Variants in DYNC1LI2 observed in about 807,000 individuals in gnomAD.
The protein encoded by DYNC1LI2 is dynein cytoplasmic 1 light intermediate chain 2, also known as cytoplasmic dynein 1 light intermediate chain 2.
In DYNC1LI2, 19 loss-of-function variants were observed where a neutral mutation model predicts 57.8. That is an observed-to-expected ratio of 0.33 (90% CI 0.23 to 0.48). The LOEUF is 0.48. DYNC1LI2 is among the 20% of genes least tolerant of loss of function. The pLI is 0.99. For synonymous variants in DYNC1LI2, 256 were observed against 233.4 expected (o/e 1.10, Z -0.88); for missense variants, 470 against 604.2 (o/e 0.78, Z 2.33).
rs2018040529 is a variant in DYNC1LI2 at position 66,751,121 on chromosome 16, A to C, written c.181+152T>G. ...CCCACCCTCAGGCGCTGGAGGCTTG[A>C]CCACTCTCCAGCTGACCGGCCAGGG... On this transcript the variant is annotated intron_variant, in intron 2 of 12. Transcript: ENST00000258198. The surrounding 1 kb of genome is among the most constrained non-coding windows in gnomAD (Gnocchi z 5.2). 1 of 847,154 alleles carries C rather than the reference A, an allele frequency of 1.2e-6. No individual in the cohort carries two copies. The highest frequency in any genetic ancestry group is 1.8e-5 in the African/African-American group (1 of 55,728). The allele number at this position is 847,154 out of a possible 1,614,324, so 52.5% of individuals were successfully genotyped here.
intron 12 of DYNC1LI2, 42 bp from the exon 13 acceptor site, chr16:66,723,864 G>T: frequency 6.5e-7 from 1 of 1,536,324 alleles, no homozygotes; most frequent in Non-Finnish European, 8.7e-7. Flanking sequence ...AATGATGTGA[G>T]AAGAGGAAAC....
chr16:66,749,749 C>T (rs566544610), intron 2 of DYNC1LI2, among the ~76,000 whole-genome samples: 8 of 152,320 alleles, frequency 5.3e-5, no homozygotes, highest in Non-Finnish European at 7.3e-5. Flanking sequence ...AAAGTCTGAT[C>T]CTGCTTCACA....
At chr16:66,747,217 T>TA (rs1454924499) in intron 3 of DYNC1LI2, among the ~76,000 whole-genome samples, 1 of 152,130 alleles carries the variant, frequency 6.6e-6, no homozygotes, top group Non-Finnish European at 1.5e-5. Context: ...TAGCTGGGAT[T>TA]ACAGGCGTGC....
At chr16:66,731,609 C>A (rs2017638725) in intron 7 of DYNC1LI2, 1 of 152,300 alleles carries the variant, frequency 6.6e-6, no homozygotes, top group Admixed American at 6.5e-5. Context: ...TAGACAGTGC[C>A]ATATGCAAGG....
At position 66,742,428 on chromosome 16, in the gene DYNC1LI2, T is replaced by C. The variant is rs775800419; in HGVS notation, c.529+10A>G. ...GAACTTCCCAATTAAGAAAATTATA[T>C]TTTACTCACACTTCCGTTCCAGCTC... On this transcript the variant is annotated intron_variant, in intron 4 of 12. Coordinates refer to ENST00000258198, the MANE Select transcript of DYNC1LI2 (RefSeq NM_006141.3). 6.2e-7 allele frequency: 1 copy of C among 1,611,264 alleles called. No homozygotes were observed. Among genetic ancestry groups the C allele is most frequent in the Non-Finnish European group, 8.5e-7 (1 of 1,178,258 alleles).
intron 4 of DYNC1LI2, among the ~76,000 whole-genome samples, chr16:66,738,604 C>A (rs188018014): frequency 1.3e-5 from 2 of 152,008 alleles, no homozygotes; most frequent in African/African-American, 4.8e-5. Context: ...AGGCTAAACG[C>A]GATGGCTTAT....
At chr16:66,731,918 A>C in intron 7 of DYNC1LI2, 1 of 157,196 alleles carries the variant, frequency 6.4e-6, no homozygotes, top group Non-Finnish European at 1.4e-5. Context: ...GAAGCACAGT[A>C]AGCACTTAAT....
At chr16:66,728,140 T>C (rs1309027041) in intron 10 of DYNC1LI2, 61 bp downstream of exon 10, 1 of 1,602,620 alleles carries the variant, frequency 6.2e-7, no homozygotes, top group Non-Finnish European at 8.5e-7. Context: ...AATAATGGTA[T>C]AAAGTTTGAT....
intron 4 of DYNC1LI2, among the ~76,000 whole-genome samples, chr16:66,739,798 A>G (rs2017804531): frequency 6.6e-6 from 1 of 152,258 alleles, no homozygotes; most frequent in Non-Finnish European, 1.5e-5. Flanking sequence ...AGGCAGTATT[A>G]AAAAGAGGAA....
chr16:66,732,318 C>T, intron 7 of DYNC1LI2, 21 bp downstream of exon 7: 1 of 1,604,458 alleles, frequency 6.2e-7, no homozygotes, highest in Non-Finnish European at 8.5e-7. Context: ...AGTTTCAAAG[C>T]ATCAGCTCAA....
intron 3 of DYNC1LI2, among the ~76,000 whole-genome samples, chr16:66,744,096 G>A (rs954836808): frequency 2.0e-5 from 3 of 152,206 alleles, no homozygotes; most frequent in Non-Finnish European, 4.4e-5. Flanking sequence ...TTGAGACAGC[G>A]TCTGAGACAC....
intron 6 of DYNC1LI2, chr16:66,733,321 G>A (rs2017672062): frequency 1.3e-5 from 2 of 152,150 alleles, no homozygotes; most frequent in Admixed American, 6.6e-5. Context: ...CACCACTTTG[G>A]GAGGCCAAGG....
intron 12 of DYNC1LI2, among the ~76,000 whole-genome samples, chr16:66,724,933 A>G (rs199753620): frequency 2.6e-5 from 4 of 152,242 alleles, no homozygotes; most frequent in Non-Finnish European, 5.9e-5. Flanking sequence ...GCACTTTGGG[A>G]GGCCAAGGCA....
intron 6 of DYNC1LI2, chr16:66,733,385 A>C (rs1423195496): frequency 6.6e-6 from 1 of 152,112 alleles, no homozygotes; most frequent in Non-Finnish European, 1.5e-5. Context: ...AACATGCTGA[A>C]ACCGTCTCTA....
At chr16:66,742,412 A>C in intron 4 of DYNC1LI2, 26 bp downstream of exon 4, 1 of 1,606,312 alleles carries the variant, frequency 6.2e-7, no homozygotes. Context: ...TGAACTTCCC[A>C]ATTAAGAAAA....
In DYNC1LI2 at chr16:66,722,987, G is replaced by A. The variant is rs760993001; in HGVS notation, c.*735C>T. 1.3e-5 allele frequency: 3 copies of A among 230,732 alleles called. No individual in the cohort carries two copies. The highest frequency in any genetic ancestry group is 2.6e-5 in the Non-Finnish European group (3 of 113,788). 14.3% of individuals were successfully genotyped at this position (230,732 alleles called of 1,614,324 possible). Reference sequence around the variant, plus strand: ...ATCCGTGGACCCCAGTACCTCTCACGAGGACATAGCCTGGGCCAAGCACAT... The same window carrying A: ...ATCCGTGGACCCCAGTACCTCTCACAAGGACATAGCCTGGGCCAAGCACAT... On this transcript the variant is annotated 3_prime_UTR_variant, in exon 13 of 13. Transcript: ENST00000258198.
chr16:66,723,369 A>T lies in DYNC1LI2; in HGVS notation c.*353T>A, dbSNP rs1029266041. ...TAACATGAAACTGGTCAGACTAACCATCATCTTACCAATGATTTCTTGGTC... is the reference window on the plus strand; with the variant it reads ...TAACATGAAACTGGTCAGACTAACCTTCATCTTACCAATGATTTCTTGGTC... On this transcript the variant is annotated 3_prime_UTR_variant, in exon 13 of 13. Transcript: ENST00000258198. 6 of 469,518 alleles carry T rather than the reference A, an allele frequency of 1.3e-5. No individual in the cohort carries two copies. Among genetic ancestry groups the T allele is most frequent in the Non-Finnish European group, 2.1e-5 (5 of 235,800 alleles). The allele number at this position is 469,518 out of a possible 1,614,324, so 29.1% of individuals were successfully genotyped here.
chr16:66,727,067 A>G (rs2017549262), intron 11 of DYNC1LI2, among the ~76,000 whole-genome samples: 1 of 151,996 alleles, frequency 6.6e-6, no homozygotes, highest in African/African-American at 2.4e-5. Context: ...ACAGGCAAGC[A>G]CCATCATGCC....
intron 3 of DYNC1LI2, among the ~76,000 whole-genome samples, chr16:66,747,569 A>ATT (rs760932236): frequency 2.8e-5 from 4 of 141,272 alleles, no homozygotes; most frequent in Non-Finnish European, 4.7e-5. Context: ...AAAGAAAGTA[A>ATT]TTTTTTTTTT....
Sources: allele counts gnomAD v4.1 joint callset (sites outside exome capture counted in the v4.1 genomes callset), GRCh38; gene constraint gnomAD v4.1.1; non-coding constraint Gnocchi (gnomAD v3.1); transcripts MANE v1.5; gene names NCBI Gene and HGNC (gene_info 2026-07-23, HGNC 2026-07-21).